Variants in INPP4B observed in about 807,000 individuals in gnomAD.
INPP4B encodes inositol polyphosphate-4-phosphatase type II B, also known as inositol polyphosphate 4-phosphatase type II.
In INPP4B, 55 loss-of-function variants were observed where a neutral mutation model predicts 122.5. The ratio of observed to expected loss-of-function variants is 0.45; its 90% CI spans 0.36 to 0.56. INPP4B has a LOEUF of 0.56. Ranked by LOEUF, INPP4B falls within the 20% of genes least tolerant of loss-of-function variation. The probability of loss-of-function intolerance (pLI) is 0.00; values close to 1 mark genes in which losing one functional copy is unlikely to be tolerated. For missense variants in INPP4B, 1,000 were observed against 1,097.7 expected, an observed-to-expected ratio of 0.91 and a Z score of 1.26; for synonymous variants, 403 against 388.7, an observed-to-expected ratio of 1.04 and a Z score of -0.43.
intron 7 of INPP4B, among the ~76,000 whole-genome samples, chr4:142,377,916 T>C (rs1792596580): frequency 6.6e-6 from 1 of 152,124 alleles, no homozygotes; most frequent in African/African-American, 2.4e-5. Flanking sequence ...GCCTGATCAA[T>C]ACACTGTGAC....
At chr4:142,295,201 C>T (rs1426822967) in intron 9 of INPP4B, among the ~76,000 whole-genome samples, 2 of 152,132 alleles carry the variant, frequency 1.3e-5, no homozygotes, top group African/African-American at 4.8e-5. Flanking sequence ...TTCACTTACG[C>T]AAGCTTAAAA....
chr4:142,530,578 TAC>T (rs1409670716), intron 2 of INPP4B, among the ~76,000 whole-genome samples: 1 of 109,580 alleles, frequency 9.1e-6, no homozygotes, highest in Non-Finnish European at 2.0e-5. Flanking sequence ...TATATATATA[TAC>T]ACACACACAC....
intron 2 of INPP4B, among the ~76,000 whole-genome samples, chr4:142,580,905 A>G (rs960386878): frequency 4.6e-5 from 7 of 152,048 alleles, no homozygotes; most frequent in African/African-American, 9.7e-5. Flanking sequence ...ATGGAACTAT[A>G]TCTTATTACA....
At chr4:142,469,094 A>G (rs1208761956) in intron 2 of INPP4B, among the ~76,000 whole-genome samples, 1 of 152,060 alleles carries the variant, frequency 6.6e-6, no homozygotes. Flanking sequence ...TAAGCTGACA[A>G]TGGCATTCTC....
intron 2 of INPP4B, among the ~76,000 whole-genome samples, chr4:142,620,893 T>C (rs1229279496): frequency 3.3e-5 from 5 of 152,012 alleles, no homozygotes; most frequent in African/African-American, 1.2e-4. Flanking sequence ...TTTTAGATGA[T>C]GGAATTGCAC....
chr4:142,088,123 G>A (rs955381542), intron 23 of INPP4B, among the ~76,000 whole-genome samples: 188 of 152,240 alleles, frequency 1.2e-3, no homozygotes, highest in African/African-American at 4.2e-3. Flanking sequence ...AAGGTTCTCT[G>A]ATATACAGGA....
intron 7 of INPP4B, among the ~76,000 whole-genome samples, chr4:142,364,180 G>GT (rs1786562946): frequency 6.6e-6 from 1 of 152,020 alleles, no homozygotes; most frequent in Non-Finnish European, 1.5e-5. Flanking sequence ...TGATTAATGT[G>GT]TAATGCTAAG....
chr4:142,670,132 C>T (rs1580673284), intron 2 of INPP4B, among the ~76,000 whole-genome samples: 1 of 152,160 alleles, frequency 6.6e-6, no homozygotes, highest in African/African-American at 2.4e-5. Context: ...TTAAGAGTCA[C>T]CTAGTAGCCA....
intron 5 of INPP4B, among the ~76,000 whole-genome samples, chr4:142,416,013 T>C (rs1430306336): frequency 8.3e-6 from 1 of 120,444 alleles, no homozygotes; most frequent in Non-Finnish European, 1.7e-5. Context: ...TGGGGTGGGG[T>C]GAGGGGGGAG....
intron 1 of INPP4B, among the ~76,000 whole-genome samples, chr4:142,833,596 A>G (rs1782427946): frequency 6.6e-6 from 1 of 151,990 alleles, no homozygotes; most frequent in Admixed American, 6.6e-5. Context: ...CTTATACAAT[A>G]TATGGAGAAA....
chr4:142,179,561 T>TGAAAAATGACGCTAATAG (rs145763456), intron 15 of INPP4B, among the ~76,000 whole-genome samples: 1 of 143,968 alleles, frequency 6.9e-6, no homozygotes, highest in Non-Finnish European at 1.5e-5. Flanking sequence ...ATTAGCTCTG[T>TGAAAAATGACGCTAATAG]GAAAAAAAAA....
At chr4:142,467,063 T>C (rs769250126) in intron 2 of INPP4B, among the ~76,000 whole-genome samples, 1 of 152,172 alleles carries the variant, frequency 6.6e-6, no homozygotes. Flanking sequence ...CTATCACCAG[T>C]GCAGAACCCT....
intron 2 of INPP4B, among the ~76,000 whole-genome samples, chr4:142,581,655 G>T (rs1735116465): frequency 6.6e-6 from 1 of 150,744 alleles, no homozygotes; most frequent in Non-Finnish European, 1.5e-5. Context: ...ATTTCTATTA[G>T]AAATAGATAG....
At chr4:142,083,020 GGAGTCTGAGGTGGGAGGATTACTT>G (rs1774841117) in intron 24 of INPP4B, among the ~76,000 whole-genome samples, 2 of 151,740 alleles carry the variant, frequency 1.3e-5, no homozygotes, top group Admixed American at 1.3e-4. Flanking sequence ...CAGCTACTAG[GGAGTCTGAGGTGGGAGGATTACTT>G]GAGCCTGTGA....
chr4:142,265,543 G>A (rs552898601), intron 10 of INPP4B, among the ~76,000 whole-genome samples: 1 of 152,230 alleles, frequency 6.6e-6, no homozygotes, highest in South Asian at 2.1e-4. Flanking sequence ...TTTGAAAAAC[G>A]CTGAGATAAA....
intron 23 of INPP4B, among the ~76,000 whole-genome samples, chr4:142,098,788 A>G (rs1036236266): frequency 1.9e-4 from 29 of 152,128 alleles, no homozygotes; most frequent in African/African-American, 6.8e-4. Context: ...TAAGCAGGAT[A>G]CAAGAGTTTA....
chr4:142,269,010 A>G (rs1171333848), intron 10 of INPP4B, among the ~76,000 whole-genome samples: 1 of 152,162 alleles, frequency 6.6e-6, no homozygotes, highest in African/African-American at 2.4e-5. Context: ...CCTATAAAAT[A>G]GCCTTAATAC....
intron 2 of INPP4B, among the ~76,000 whole-genome samples, chr4:142,525,428 C>G (rs1289067442): frequency 1.6e-5 from 2 of 126,314 alleles, no homozygotes; most frequent in African/African-American, 2.7e-5. Flanking sequence ...CCCACATTGC[C>G]AAGTCAATTC....
At chr4:142,311,067 A>C (rs547628826) in intron 8 of INPP4B, among the ~76,000 whole-genome samples, 1 of 152,276 alleles carries the variant, frequency 6.6e-6, no homozygotes, top group Non-Finnish European at 1.5e-5. Context: ...AAATTAGAGT[A>C]CTTGAAGAGT....
Sources: allele counts gnomAD v4.1 joint callset (sites outside exome capture counted in the v4.1 genomes callset), GRCh38; gene constraint gnomAD v4.1.1; transcripts MANE v1.5; gene names NCBI Gene and HGNC (gene_info 2026-07-23, HGNC 2026-07-21).